The following TNRC6A variants were observed in gnomAD, a reference collection of about 807,000 sequenced individuals.
TNRC6A encodes trinucleotide repeat containing adaptor 6A, also known as trinucleotide repeat-containing gene 6A protein.
A neutral mutation model predicts 221.2 loss-of-function variants in TNRC6A; 44 were observed. That is an observed-to-expected ratio of 0.20 (90% CI 0.16 to 0.26). The LOEUF (loss-of-function observed/expected upper bound fraction) is 0.26, where lower values mean the gene tolerates loss of function less well. TNRC6A is among the 10% of genes least tolerant of loss of function. The pLI is 1.00. For synonymous variants in TNRC6A, 847 were observed against 838.5 expected (o/e 1.01, Z -0.18); for missense variants, 2,199 against 2,404.4 (o/e 0.91, Z 1.79).
intron 2 of TNRC6A, among the ~76,000 whole-genome samples, chr16:24,646,547 A>G (rs1002580082): frequency 2.0e-5 from 3 of 152,230 alleles, no homozygotes; most frequent in African/African-American, 7.2e-5. Context: ...AATAAGGGAA[A>G]CATCAGTCTC....
chr16:24,682,005 G>T (rs1285676885), intron 2 of TNRC6A, among the ~76,000 whole-genome samples: 3 of 152,052 alleles, frequency 2.0e-5, no homozygotes, highest in Non-Finnish European at 4.4e-5. Context: ...CCACGGCCTC[G>T]CCAGTATAAG....
At chr16:24,730,490 T>C (rs563947784) in intron 2 of TNRC6A, among the ~76,000 whole-genome samples, 190 bp downstream of exon 2, 19 of 149,402 alleles carry the variant, frequency 1.3e-4, no homozygotes, top group African/African-American at 4.4e-4. Context: ...CGTGTGTTTC[T>C]TTCTTTAAAA....
At chr16:24,703,425 A>G (rs966875195) in intron 2 of TNRC6A, among the ~76,000 whole-genome samples, 3 of 152,276 alleles carry the variant, frequency 2.0e-5, no homozygotes, top group Admixed American at 6.5e-5. Context: ...GATGTGCTAA[A>G]TTTTGTTAGC....
chr16:24,717,770 C>CTTTTTT (rs71383705), intron 2 of TNRC6A, among the ~76,000 whole-genome samples: 4 of 107,366 alleles, frequency 3.7e-5, no homozygotes, highest in Non-Finnish European at 5.6e-5. Flanking sequence ...TTTTTTTTTT[C>CTTTTTT]TTTTTTTTTT....
In TNRC6A at chr16:24,789,571, C is replaced by A; in HGVS notation, c.929C>A (p.Thr310Asn). The A allele has an allele frequency of 6.2e-7, 1 of 1,614,042 alleles. No homozygotes were observed. The highest frequency in any genetic ancestry group is 8.5e-7 in the Non-Finnish European group (1 of 1,180,018). Reference protein sequence around the residue: ...SSNNVGHGSSTGPWGFSHGAI... With the variant: ...SSNNVGHGSSNGPWGFSHGAI... The stretch of plus-strand genomic sequence containing the variant: ...AATAATGTGGGCCATGGAAGTAGTA[C>A]TGGGCCATGGGGTTTTTCCCATGGA... Residue 310 changes from threonine (T) to asparagine (N), a missense_variant, in exon 6 of 25, where the codon ACT becomes AAT. This residue lies in a region of TNRC6A where 1,405 missense variants were observed against 1,400.2 expected (regional missense o/e 1.00). Transcript: ENST00000395799.
chr16:24,721,612 G>A (rs1352035822), intron 2 of TNRC6A, among the ~76,000 whole-genome samples: 2 of 152,128 alleles, frequency 1.3e-5, no homozygotes, highest in African/African-American at 4.8e-5. Flanking sequence ...TTTGAGATCA[G>A]CCCGGACAAC....
intron 2 of TNRC6A, among the ~76,000 whole-genome samples, chr16:24,748,198 G>GT (rs1567419348): frequency 6.6e-6 from 1 of 152,136 alleles, no homozygotes; most frequent in Admixed American, 6.6e-5. Context: ...TTTGCCCCCA[G>GT]TTTTTTCATG....
chr16:24,664,757 G>A (rs532035629), intron 2 of TNRC6A: 17 of 337,272 alleles, frequency 5.0e-5, no homozygotes, highest in Non-Finnish European at 1.0e-4. Flanking sequence ...GTGCCTTGCA[G>A]TAATCCCCAA....
At chr16:24,715,357 G>A (rs895188512) in intron 2 of TNRC6A, among the ~76,000 whole-genome samples, 4 of 152,138 alleles carry the variant, frequency 2.6e-5, no homozygotes, top group African/African-American at 4.8e-5. Context: ...TTACAGGCAT[G>A]AGCCACCATA....
chr16:24,774,446 T>C (rs1487729078), intron 4 of TNRC6A, among the ~76,000 whole-genome samples: 1 of 152,162 alleles, frequency 6.6e-6, no homozygotes, highest in Non-Finnish European at 1.5e-5. Context: ...GTTACTTGAG[T>C]TCATGCCTTC....
intron 2 of TNRC6A, among the ~76,000 whole-genome samples, chr16:24,716,848 C>T (rs963877308): frequency 4.0e-5 from 6 of 150,704 alleles, no homozygotes; most frequent in Non-Finnish European, 8.9e-5. Flanking sequence ...AGTCCAGCTA[C>T]TCGGGAGGCT....
Position 24,791,688 on chromosome 16 carries a change from T to C in TNRC6A, c.3046T>C (p.Tyr1016His). Reference protein sequence around the residue: ...SAWGDPSKYNYKNVNMWNKNV... With the variant: ...SAWGDPSKYNHKNVNMWNKNV... ...TTGGGGAGATCCAAGCAAATACAACTACAAAAATGTGAACATGTGGAACAA... is the reference window on the plus strand; with the variant it reads ...TTGGGGAGATCCAAGCAAATACAACCACAAAAATGTGAACATGTGGAACAA... The change falls in exon 6 of 25, where the codon TAC becomes CAC. Residue 1016 changes from tyrosine to histidine, a missense_variant. Around this residue, in one of 8 missense-constraint regions of TNRC6A, gnomAD observed 1,405 missense variants for 1,400.2 expected, o/e 1.00. Transcript: ENST00000395799. 6.2e-7 allele frequency: 1 copy of C among 1,613,534 alleles called. No homozygotes were observed. The highest frequency in any genetic ancestry group is 8.5e-7 in the Non-Finnish European group (1 of 1,179,816).
intron 4 of TNRC6A, among the ~76,000 whole-genome samples, chr16:24,760,241 A>G (rs991134144): frequency 1.3e-5 from 2 of 152,200 alleles, no homozygotes; most frequent in African/African-American, 2.4e-5. Flanking sequence ...TCCAAGTACC[A>G]TTGATCTCTC....
chr16:24,722,209 A>C (rs1567387731), intron 2 of TNRC6A, among the ~76,000 whole-genome samples: 1 of 152,110 alleles, frequency 6.6e-6, no homozygotes, highest in Non-Finnish European at 1.5e-5. Context: ...CCAGGCATTG[A>C]AGACCAGCCT....
intron 2 of TNRC6A, among the ~76,000 whole-genome samples, chr16:24,689,194 G>T (rs527834722): frequency 6.6e-6 from 1 of 152,352 alleles, no homozygotes; most frequent in East Asian, 1.9e-4. Flanking sequence ...TGGACAGAGG[G>T]TTGGCATCCA....
chr16:24,709,415 T>C (rs1040675157), intron 2 of TNRC6A, among the ~76,000 whole-genome samples: 1 of 152,198 alleles, frequency 6.6e-6, no homozygotes, highest in Non-Finnish European at 1.5e-5. Flanking sequence ...GTTTTACTAA[T>C]TTACATTCCC....
At chr16:24,665,486 GCCAGGGTCAAGAC>G (rs2055139382) in intron 2 of TNRC6A, among the ~76,000 whole-genome samples, 1 of 152,176 alleles carries the variant, frequency 6.6e-6, no homozygotes, top group Non-Finnish European at 1.5e-5. Context: ...CTAATGTGTA[GCCAGGGTCAAGAC>G]CCACTGCTCC....
At position 24,771,582 on chromosome 16, in the gene TNRC6A, T is replaced by TTATGTTATGTTGTGA; in HGVS notation, c.164-5350_164-5349insATGTTATGTTGTGAT. ...ATGTTTTATGTTATGTTATGTTATG[T>TTATGTTATGTTGTGA]TGTTATGTTATGTTATGTTATGTTA... On this transcript the variant is annotated intron_variant, in intron 4 of 24. Transcript: ENST00000395799. Among the ~76,000 whole-genome samples the TTATGTTATGTTGTGA allele has an allele frequency of 1.9e-3, 180 of 95,528 alleles. 2 individuals are homozygous for TTATGTTATGTTGTGA. Among genetic ancestry groups the TTATGTTATGTTGTGA allele is most frequent in the Middle Eastern group, 0.011 (2 of 190 alleles). 62.7% of individuals were successfully genotyped at this position (95,528 alleles called of 152,430 possible).
intron 2 of TNRC6A, among the ~76,000 whole-genome samples, chr16:24,659,409 C>CA (rs1275979709): frequency 6.6e-6 from 1 of 152,038 alleles, no homozygotes; most frequent in African/African-American, 2.4e-5. Flanking sequence ...CTCGTGCCCT[C>CA]AAAAAACGCT....
Sources: allele counts gnomAD v4.1 joint callset (sites outside exome capture counted in the v4.1 genomes callset), GRCh38; gene constraint gnomAD v4.1.1; regional missense constraint gnomAD v4.1.1; transcripts MANE v1.5; gene names NCBI Gene and HGNC (gene_info 2026-07-23, HGNC 2026-07-21).